Variants in MEIS2 observed in about 807,000 individuals in gnomAD.
MEIS2 encodes the protein Meis homeobox 2, also known as homeobox protein Meis2.
In MEIS2, 9 loss-of-function variants were observed where a neutral mutation model predicts 58.6. That is an observed-to-expected ratio of 0.15 (90% CI 0.09 to 0.27). The LOEUF is 0.27. MEIS2 is among the 10% of genes least tolerant of loss of function. The pLI, the probability that MEIS2 is intolerant of heterozygous loss-of-function variation, is 1.00. For synonymous variants in MEIS2, 221 were observed against 228.4 expected (o/e 0.97, Z 0.29); for missense variants, 427 against 635.0 (o/e 0.67, Z 3.52).
intron 9 of MEIS2, among the ~76,000 whole-genome samples, chr15:36,911,085 A>T (rs1045781775): frequency 4.0e-5 from 6 of 151,132 alleles, no homozygotes; most frequent in Admixed American, 1.3e-4. Flanking sequence ...TCTCAAAGGT[A>T]ATTTGATTAT....
intron 8 of MEIS2, among the ~76,000 whole-genome samples, chr15:37,000,837 G>A (rs12913222): frequency 0.48 from 72,147 of 151,790 alleles, 17,516 homozygotes; most frequent in Middle Eastern, 0.6. Context: ...TCTCAGCTCC[G>A]CTCCCTGCCC....
chr15:37,036,998 G>A (rs753940996), intron 7 of MEIS2, 39 bp from the exon 8 acceptor site: 9 of 1,566,856 alleles, frequency 5.7e-6, no homozygotes, highest in South Asian at 3.6e-5. Context: ...AGAAAACATC[G>A]CAAGGTGCCA....
chr15:36,961,821 T>C (rs758705401), intron 8 of MEIS2, among the ~76,000 whole-genome samples: 4 of 152,232 alleles, frequency 2.6e-5, no homozygotes, highest in Non-Finnish European at 4.4e-5. Flanking sequence ...ACACCAGCCA[T>C]ATTTTTTTAA....
At chr15:36,941,112 GA>G (rs1434864111) in intron 9 of MEIS2, among the ~76,000 whole-genome samples, 1 of 152,054 alleles carries the variant, frequency 6.6e-6, no homozygotes. Flanking sequence ...AACATCACAG[GA>G]TAACAGGAAA....
chr15:36,913,350 A>G (rs1249950483), intron 9 of MEIS2, among the ~76,000 whole-genome samples: 1 of 152,252 alleles, frequency 6.6e-6, no homozygotes, highest in Non-Finnish European at 1.5e-5. Context: ...ATTGATACTT[A>G]GTTTGATTCT....
chr15:36,902,320 T>A (rs1322736266), intron 9 of MEIS2, among the ~76,000 whole-genome samples: 2 of 152,256 alleles, frequency 1.3e-5, no homozygotes, highest in Admixed American at 1.3e-4. Flanking sequence ...CGTGTGTTCA[T>A]ATCGCCGGAT....
chr15:36,924,606 C>T (rs1288230868), intron 9 of MEIS2, among the ~76,000 whole-genome samples: 1 of 152,166 alleles, frequency 6.6e-6, no homozygotes, highest in Admixed American at 6.5e-5. Flanking sequence ...GAGTTAACTA[C>T]ATAGACTTGC....
At chr15:36,920,715 T>C (rs952889312) in intron 9 of MEIS2, among the ~76,000 whole-genome samples, 2 of 152,232 alleles carry the variant, frequency 1.3e-5, no homozygotes, top group African/African-American at 2.4e-5. Flanking sequence ...CTTGACTTAG[T>C]GTATGAGAAC....
intron 9 of MEIS2, among the ~76,000 whole-genome samples, chr15:36,900,441 T>C (rs1567025459): frequency 6.6e-6 from 1 of 152,162 alleles, no homozygotes; most frequent in Non-Finnish European, 1.5e-5. Flanking sequence ...GACTATCTAC[T>C]TTTTCTCTAA....
chr15:36,943,707 T>C (rs1406332860), intron 9 of MEIS2, among the ~76,000 whole-genome samples: 1 of 152,044 alleles, frequency 6.6e-6, no homozygotes, highest in Non-Finnish European at 1.5e-5. Context: ...GAAATATGCA[T>C]CCTGAGATAA....
intron 8 of MEIS2, among the ~76,000 whole-genome samples, chr15:36,980,978 T>C (rs1430708237): frequency 1.3e-5 from 2 of 152,174 alleles, no homozygotes; most frequent in Non-Finnish European, 2.9e-5. Flanking sequence ...ATTAGCACAT[T>C]TATTCTTCAA....
chr15:36,959,287 C>T (rs959998439), intron 8 of MEIS2, among the ~76,000 whole-genome samples: 2 of 152,152 alleles, frequency 1.3e-5, no homozygotes, highest in African/African-American at 4.8e-5. Context: ...CTGCAAGTTA[C>T]GTAACACCCA....
chr15:36,941,627 A>T (rs2058378917), intron 9 of MEIS2, among the ~76,000 whole-genome samples: 1 of 152,252 alleles, frequency 6.6e-6, no homozygotes, highest in African/African-American at 2.4e-5. Flanking sequence ...AATATAAGAC[A>T]GTTTGACTTT....
intron 8 of MEIS2, among the ~76,000 whole-genome samples, chr15:36,952,162 C>T (rs766652871): frequency 6.6e-6 from 1 of 152,074 alleles, no homozygotes; most frequent in African/African-American, 2.4e-5. Context: ...AGAAGGATTG[C>T]TCATCACTGA....
intron 8 of MEIS2, among the ~76,000 whole-genome samples, chr15:36,987,850 G>C (rs1357470): frequency 0.31 from 46,297 of 151,482 alleles, 7,859 homozygotes; most frequent in East Asian, 0.48. Context: ...CAAAGAAGAC[G>C]TAACACTCAG....
chr15:37,099,828 A>G lies in MEIS2; in HGVS notation c.-362T>C. On this transcript the variant is annotated 5_prime_UTR_variant, in exon 1 of 12. Transcript: ENST00000561208. ...GGAAAAAAAAAGAAAGAAAAGAAAAAGAAGAAAAAGAAGAAAAAAATTGTC... is the reference window on the plus strand; with the variant it reads ...GGAAAAAAAAAGAAAGAAAAGAAAAGGAAGAAAAAGAAGAAAAAAATTGTC... The G allele has an allele frequency of 4.4e-6, 1 of 226,700 alleles. No homozygotes were observed. The highest frequency in any genetic ancestry group is 8.5e-6 in the Non-Finnish European group (1 of 117,152). The allele number at this position is 226,700 out of a possible 1,614,324, so 14.0% of individuals were successfully genotyped here.
intron 8 of MEIS2, among the ~76,000 whole-genome samples, chr15:37,009,735 C>G (rs1484954896): frequency 6.6e-6 from 1 of 152,168 alleles, no homozygotes; most frequent in African/African-American, 2.4e-5. Flanking sequence ...AAGATTTCTT[C>G]ACTTCTTCAG....
chr15:36,998,640 C>T (rs1694467576), intron 8 of MEIS2, among the ~76,000 whole-genome samples: 1 of 152,164 alleles, frequency 6.6e-6, no homozygotes, highest in Non-Finnish European at 1.5e-5. Context: ...ACACTCTTTA[C>T]ATTTATCTTC....
At chr15:36,909,394 A>G (rs559995916) in intron 9 of MEIS2, among the ~76,000 whole-genome samples, 1 of 152,322 alleles carries the variant, frequency 6.6e-6, no homozygotes, top group African/African-American at 2.4e-5. Context: ...TTTGTGAGTG[A>G]ATAACTAAAT....
Sources: gnomAD v4.1 joint callset for allele counts (sites outside exome capture counted in the v4.1 genomes callset) on GRCh38, gnomAD v4.1.1 for gene constraint, MANE v1.5 for transcripts, NCBI Gene and HGNC (gene_info 2026-07-23, HGNC 2026-07-21) for gene names.